LANCL3: variants seen among roughly 807,000 people sequenced by gnomAD.
LANCL3 encodes the protein LanC like family member 3.
A neutral mutation model predicts 26.5 loss-of-function variants in LANCL3; 19 were observed. The observed-to-expected ratio is 0.72, with a 90% CI of 0.50 to 1.05. The LOEUF (loss-of-function observed/expected upper bound fraction) is 1.05. Ranked by LOEUF, LANCL3 falls within the 50% of genes least tolerant of loss-of-function variation. LANCL3 has a pLI of 0.00. For missense variants in LANCL3, 318 were observed against 362.7 expected, an observed-to-expected ratio of 0.88 and a Z score of 1.00; for synonymous variants, 160 against 166.6, an observed-to-expected ratio of 0.96 and a Z score of 0.30.
At chrX:37,658,943 A>T (rs1317380239) in intron 2 of LANCL3, among the ~76,000 whole-genome samples, 1 of 112,812 alleles carries the variant, frequency 8.9e-6, no homozygotes, top group Non-Finnish European at 1.9e-5. Flanking sequence ...TACAGAGTAG[A>T]TGCTTAATAC....
chrX:37,634,699 A>G (rs781882514), intron 1 of LANCL3, among the ~76,000 whole-genome samples: 1 of 112,415 alleles, frequency 8.9e-6, no homozygotes, highest in South Asian at 3.7e-4. Flanking sequence ...AGATTAGATA[A>G]TAGTATTGCA....
chrX:37,573,764 C>T (rs1205080993), intron 1 of LANCL3, among the ~76,000 whole-genome samples: 1 of 110,344 alleles, frequency 9.1e-6, no homozygotes, highest in East Asian at 2.8e-4. Flanking sequence ...TTTTTTTTTC[C>T]AATTGTTTTC....
chrX:37,662,707 A>G (rs1026379853), intron 3 of LANCL3, among the ~76,000 whole-genome samples: 1 of 111,754 alleles, frequency 8.9e-6, no homozygotes, highest in Non-Finnish European at 1.9e-5. Flanking sequence ...TGGCAAAGTC[A>G]TACATCATTA....
chrX:37,583,875 A>C (rs1350676328), intron 1 of LANCL3, among the ~76,000 whole-genome samples: 2 of 111,778 alleles, frequency 1.8e-5, no homozygotes, highest in Non-Finnish European at 3.8e-5. Flanking sequence ...GTGGTGAGAG[A>C]GGGCATCCCT....
intron 1 of LANCL3, among the ~76,000 whole-genome samples, chrX:37,589,092 C>A (rs1924195416): frequency 8.9e-6 from 1 of 111,996 alleles, no homozygotes; most frequent in Non-Finnish European, 1.9e-5. Flanking sequence ...CAGTGTCTAA[C>A]CAGAAACAAT....
At chrX:37,650,306 GAAA>G (rs781800086) in intron 1 of LANCL3, among the ~76,000 whole-genome samples, 4 of 72,783 alleles carry the variant, frequency 5.5e-5, no homozygotes, top group Admixed American at 1.6e-4. Context: ...CCATCTCAGG[GAAA>G]AAAAAAAAAA....
chrX:37,625,105 T>A (rs1308421722), intron 1 of LANCL3, among the ~76,000 whole-genome samples: 2 of 111,617 alleles, frequency 1.8e-5, no homozygotes, highest in Admixed American at 9.5e-5. Flanking sequence ...GCAGCTACCA[T>A]GCAGTACCAT....
intron 1 of LANCL3, among the ~76,000 whole-genome samples, chrX:37,649,015 ATTAG>A (rs1158218984): frequency 2.7e-5 from 3 of 112,010 alleles, no homozygotes; most frequent in African/African-American, 9.8e-5. Flanking sequence ...GGGAGTGTAA[ATTAG>A]TTCAACCATT....
chrX:37,603,807 A>G (rs782198681), intron 1 of LANCL3, among the ~76,000 whole-genome samples: 6 of 112,532 alleles, frequency 5.3e-5, no homozygotes, highest in Non-Finnish European at 1.1e-4. Context: ...GGGAAAAAGA[A>G]AGAAGTGTTG....
At position 37,585,094 on chromosome X, in the gene LANCL3, G is replaced by A. The variant is rs372968717; in HGVS notation, c.573+12651G>A. On this transcript the variant is annotated intron_variant, in intron 1 of 4. Transcript: ENST00000378619. ...GGAGCAGATTGTTCAGTTTCCATGTGGTTGAGTGGTTTTGAGTGAGTTTCT... is the reference window on the plus strand; with the variant it reads ...GGAGCAGATTGTTCAGTTTCCATGTAGTTGAGTGGTTTTGAGTGAGTTTCT... 2.7e-5 allele frequency among the ~76,000 whole-genome samples: 3 copies of A among 111,624 alleles called. No individual in the cohort carries two copies. The South Asian group carries it at 1.1e-3, about 42-fold the overall frequency.
intron 1 of LANCL3, among the ~76,000 whole-genome samples, chrX:37,594,632 T>A (rs1400857596): frequency 8.9e-6 from 1 of 112,198 alleles, no homozygotes; most frequent in Non-Finnish European, 1.9e-5. Flanking sequence ...GGTAGTATCA[T>A]TAATGTTAAA....
intron 1 of LANCL3, among the ~76,000 whole-genome samples, chrX:37,590,733 T>G (rs782527094): frequency 8.9e-6 from 1 of 112,125 alleles, no homozygotes; most frequent in South Asian, 3.7e-4. Context: ...AGTCTTGGCT[T>G]TAATCTCCAT....
intron 1 of LANCL3, among the ~76,000 whole-genome samples, chrX:37,616,130 G>A (rs1480870095): frequency 9.0e-6 from 1 of 110,932 alleles, no homozygotes; most frequent in Admixed American, 9.6e-5. Flanking sequence ...ATCAAAACAA[G>A]AATCAAATTT....
At chrX:37,638,070 AAGAG>A (rs1369278722) in intron 1 of LANCL3, among the ~76,000 whole-genome samples, 6 of 111,571 alleles carry the variant, frequency 5.4e-5, no homozygotes, top group African/African-American at 2.0e-4. Context: ...GAGAGAAAGA[AAGAG>A]AGAGATAATA....
intron 3 of LANCL3, among the ~76,000 whole-genome samples, chrX:37,661,810 T>C (rs1556432653): frequency 8.9e-6 from 1 of 112,601 alleles, no homozygotes; most frequent in Non-Finnish European, 1.9e-5. Flanking sequence ...ATTCACAACG[T>C]GGAGCTTCAT....
chrX:37,657,937 G>A (rs1002913987), intron 2 of LANCL3, among the ~76,000 whole-genome samples: 1 of 111,876 alleles, frequency 8.9e-6, no homozygotes, highest in Non-Finnish European at 1.9e-5. Flanking sequence ...ATAGAGTTGA[G>A]TTTAAAGAGC....
At chrX:37,632,382 T>A (rs182710015) in intron 1 of LANCL3, among the ~76,000 whole-genome samples, 2,442 of 111,524 alleles carry the variant, frequency 0.022, 22 homozygotes, top group Non-Finnish European at 0.035. Flanking sequence ...AATACAGCAC[T>A]GTGATGGGTC....
rs1926937586 is a variant in LANCL3, at chrX:37,681,608, C to T, written c.*5795C>T. 8.9e-6 allele frequency: 1 copy of T among 112,098 alleles called. No individual in the cohort carries two copies. The highest frequency in any genetic ancestry group is 1.9e-5 in the Non-Finnish European group (1 of 53,208). The allele number at this position is 112,098 out of a possible 1,213,427, so 9.2% of individuals were successfully genotyped here. On this transcript the variant is annotated 3_prime_UTR_variant, in exon 5 of 5. Coordinates refer to ENST00000378619, the MANE Select transcript of LANCL3 (RefSeq NM_001170331.2). ...AAGTTAGGAAAGTTTTATTATTTTA[C>T]CCCCTTTTGAAGATTACATGGTACA...
intron 1 of LANCL3, among the ~76,000 whole-genome samples, chrX:37,583,999 C>A (rs1276493089): frequency 9.0e-6 from 1 of 111,594 alleles, no homozygotes; most frequent in Non-Finnish European, 1.9e-5. Context: ...CCCATCAATA[C>A]CTAATTTACT....
Sources: gnomAD v4.1 joint callset for allele counts (sites outside exome capture counted in the v4.1 genomes callset) on GRCh38, gnomAD v4.1.1 for gene constraint, MANE v1.5 for transcripts, NCBI Gene and HGNC (gene_info 2026-07-23, HGNC 2026-07-21) for gene names.